Variants in CCDC42 observed in about 807,000 individuals in gnomAD.
CCDC42 encodes the protein coiled-coil domain containing 42.
Under a neutral mutation model 40.8 loss-of-function variants are expected in CCDC42, and 38 were observed. The ratio of observed to expected loss-of-function variants is 0.93; its 90% CI spans 0.72 to 1.22. CCDC42 has a LOEUF of 1.22. Ranked by LOEUF, CCDC42 falls within the 50% of genes most tolerant of loss-of-function variation. CCDC42 has a pLI of 0.00. For missense variants in CCDC42, 379 were observed against 416.5 expected (o/e 0.91, Z 0.78); for synonymous variants, 135 against 157.5 (o/e 0.86, Z 1.07).
At chr17:8,731,762 T>A (rs2086581763) in intron 6 of CCDC42, among the ~76,000 whole-genome samples, 1 of 151,114 alleles carries the variant, frequency 6.6e-6, no homozygotes, top group South Asian at 2.1e-4. Flanking sequence ...GGGTGGAGAG[T>A]GGGAGGAGGG....
intron 4 of CCDC42, among the ~76,000 whole-genome samples, chr17:8,738,965 GTTTGA>G (rs1168761445): frequency 7.2e-5 from 11 of 152,222 alleles, no homozygotes; most frequent in East Asian, 5.8e-4. Flanking sequence ...TATCGGTAGT[GTTTGA>G]TTTAAGACAA....
intron 4 of CCDC42, among the ~76,000 whole-genome samples, chr17:8,737,841 G>C (rs2152143407): frequency 6.6e-6 from 1 of 152,230 alleles, no homozygotes; most frequent in Admixed American, 6.5e-5. Context: ...TAAAAGACAG[G>C]GTCTCACTCT....
At chr17:8,739,619 T>C (rs1272700707) in intron 4 of CCDC42, among the ~76,000 whole-genome samples, 2 of 152,204 alleles carry the variant, frequency 1.3e-5, no homozygotes, top group African/African-American at 4.8e-5. Flanking sequence ...CTCGGCTCAC[T>C]GCAACCTCCG....
At chr17:8,739,508 A>C (rs1163861205) in intron 4 of CCDC42, among the ~76,000 whole-genome samples, 1 of 152,192 alleles carries the variant, frequency 6.6e-6, no homozygotes, top group African/African-American at 2.4e-5. Context: ...ATATTTTCCC[A>C]ACTCTGAATT....
Position 8,735,409 on chromosome 17 carries a change from C to T in CCDC42, c.695G>A (p.Arg232His), listed in dbSNP as rs571535127. 38 of 1,613,932 alleles carry T rather than the reference C, an allele frequency of 2.4e-5. No individual in the cohort carries two copies. Among genetic ancestry groups the T allele is most frequent in the South Asian group, 3.3e-5 (3 of 91,086 alleles). ...CCTCACCCAGAAGATGACATTGCTG[C>T]GGGCACGGTCAAAGCGCATCTGCAG... ...ARLQMRFDRARSNVIFWESRW... is the reference protein window; with the variant it reads ...ARLQMRFDRAHSNVIFWESRW... Residue 232 changes from arginine (R) to histidine (H), a missense_variant, in exon 5 of 7, where the codon CGC becomes CAC. Arg to His is a conservative substitution (Grantham distance 29). Coordinates refer to ENST00000293845, the MANE Select transcript of CCDC42 (RefSeq NM_144681.3). This position sits in a 1 kb window ranked among gnomAD's most constrained non-coding sequence, Gnocchi z 4.7.
chr17:8,741,337 C>CA, intron 4 of CCDC42, 137 bp downstream of exon 4: 1 of 857,062 alleles, frequency 1.2e-6, no homozygotes, highest in Non-Finnish European at 1.9e-6. Flanking sequence ...GCCCATCCTG[C>CA]AGAGCTCCTG....
At position 8,730,206 on chromosome 17, in the gene CCDC42, A is replaced by G; in HGVS notation, c.875T>C (p.Ile292Thr). ...LEDTHKQLDM[I>T]QQFIQDRSDI... ...CGACCGGTCTTGGATAAATTGCTGG[A>G]TCTAGAAAGGCAAGGAGCCCAGCGT... Residue 292 changes from isoleucine to threonine, a missense_variant and splice_region_variant, in exon 7 of 7, where the codon ATC becomes ACC. Ile to Thr is a moderately conservative substitution (Grantham distance 89). Transcript: ENST00000293845. The G allele has an allele frequency of 6.2e-7, 1 of 1,613,298 alleles. No homozygotes were observed. Among genetic ancestry groups the G allele is most frequent in the Non-Finnish European group, 8.5e-7 (1 of 1,179,546 alleles).
rs1568053650 is a variant in CCDC42 at position 8,741,241 on chromosome 17, GAGAAACT to G, written c.492+226_492+232del. Among the ~76,000 whole-genome samples, 2 of 152,184 alleles carry G rather than the reference GAGAAACT, an allele frequency of 1.3e-5. 1 individual carries two copies. The highest frequency in any genetic ancestry group is 4.8e-5 in the African/African-American group (2 of 41,430). On this transcript the variant is annotated intron_variant, in intron 4 of 6. Coordinates refer to ENST00000293845, the MANE Select transcript of CCDC42 (RefSeq NM_144681.3). ...GACACACCACTAGGCCCCACCCCTT[GAGAAACT>G]CATCCAGCCTCACCAGAGGCTTCTT...
intron 4 of CCDC42, among the ~76,000 whole-genome samples, chr17:8,737,086 GAAA>G (rs1466504309): frequency 6.6e-6 from 1 of 151,952 alleles, no homozygotes; most frequent in African/African-American, 2.4e-5. Context: ...GAAAGAAAAA[GAAA>G]AAAAGAAAAG....
At position 8,744,146 on chromosome 17, in the gene CCDC42, G is replaced by A; in HGVS notation, c.122C>T (p.Ser41Phe). ...CTTTTTCTTCTCCAGTAGCCAGATG[G>A]ATGGGGACTCCGACGCCCCCTCAAC... ...PNVEGASESP[S>F]IWLLEKKKET... Residue 41 changes from serine (S) to phenylalanine (F), a missense_variant, in exon 2 of 7, where the codon TCC becomes TTC. Physicochemically the swap from Ser to Phe is radical, Grantham distance 155. Coordinates refer to ENST00000293845, the MANE Select transcript of CCDC42 (RefSeq NM_144681.3). 6.2e-7 allele frequency: 1 copy of A among 1,614,004 alleles called. No individual in the cohort carries two copies. Among genetic ancestry groups the A allele is most frequent in the Non-Finnish European group, 8.5e-7 (1 of 1,179,976 alleles).
In CCDC42 at chr17:8,744,763, G is replaced by T. The variant is rs973169915; in HGVS notation, c.-154C>A. 13 of 640,582 alleles carry T rather than the reference G, an allele frequency of 2.0e-5. No homozygotes were observed. The highest frequency in any genetic ancestry group is 1.6e-4 in the Admixed American group (7 of 42,592). 39.7% of individuals were successfully genotyped at this position (640,582 alleles called of 1,614,324 possible). A position where few individuals can be genotyped will look rare whatever the true frequency, so the allele number is the denominator to read the frequency against. On this transcript the variant is annotated 5_prime_UTR_variant, in exon 1 of 7. Coordinates refer to ENST00000293845, the MANE Select transcript of CCDC42 (RefSeq NM_144681.3). ...TGATGGAGTTTGAGACTCCACAGAA[G>T]GTGGCTGGAGACAGGTTGGGCGGCT... is the stretch of plus-strand genomic sequence containing the variant.
chr17:8,730,200 T>C lies in CCDC42; in HGVS notation c.881A>G (p.Gln294Arg), dbSNP rs776202148. 1 of 1,613,708 alleles carries C rather than the reference T, an allele frequency of 6.2e-7. No individual in the cohort carries two copies. Among genetic ancestry groups the C allele is most frequent in the South Asian group, 1.1e-5 (1 of 91,060 alleles). ...GATGTCCGACCGGTCTTGGATAAAT[T>C]GCTGGATCTAGAAAGGCAAGGAGCC... ...DTHKQLDMIQ[Q>R]FIQDRSDIWA... Residue 294 changes from glutamine to arginine, a missense_variant, in exon 7 of 7, where the codon CAA (glutamine) becomes CGA (arginine). Gln to Arg is a conservative substitution (Grantham distance 43). Coordinates refer to ENST00000293845, the MANE Select transcript of CCDC42 (RefSeq NM_144681.3).
At chr17:8,733,113 A>G (rs969634653) in intron 6 of CCDC42, among the ~76,000 whole-genome samples, 1 of 152,126 alleles carries the variant, frequency 6.6e-6, no homozygotes, top group African/African-American at 2.4e-5. Flanking sequence ...TTCTTATTCT[A>G]GTATAAGAGC....
At chr17:8,744,496 G>T in intron 1 of CCDC42, 31 bp downstream of exon 1, 1 of 1,581,200 alleles carries the variant, frequency 6.3e-7, no homozygotes, top group Non-Finnish European at 8.6e-7. Flanking sequence ...CAGGCACAGA[G>T]GGGTGGGCAA....
At chr17:8,740,196 C>T (rs2086633484) in intron 4 of CCDC42, among the ~76,000 whole-genome samples, 1 of 151,968 alleles carries the variant, frequency 6.6e-6, no homozygotes, top group Non-Finnish European at 1.5e-5. Context: ...AGGCCCTGGA[C>T]ATTGCTAAGA....
chr17:8,743,599 A>C (rs1220510492), intron 3 of CCDC42, 27 bp downstream of exon 3: 1 of 1,356,354 alleles, frequency 7.4e-7, no homozygotes, highest in Non-Finnish European at 1.1e-6. Flanking sequence ...TCCCCTGGCC[A>C]CTGCGGCCGC....
chr17:8,739,377 C>T (rs911041696), intron 4 of CCDC42, among the ~76,000 whole-genome samples: 6 of 152,148 alleles, frequency 3.9e-5, no homozygotes, highest in African/African-American at 1.4e-4. Context: ...GTCGCGCCAG[C>T]GGCAGGGCTG....
At chr17:8,731,444 C>T (rs1471157880) in intron 6 of CCDC42, among the ~76,000 whole-genome samples, 2 of 152,192 alleles carry the variant, frequency 1.3e-5, no homozygotes, top group Non-Finnish European at 2.9e-5. Flanking sequence ...ATCATAAACA[C>T]ACATGCATGG....
At chr17:8,733,354 T>C (rs1024636595) in intron 6 of CCDC42, among the ~76,000 whole-genome samples, 23 of 152,242 alleles carry the variant, frequency 1.5e-4, no homozygotes, top group African/African-American at 5.5e-4. Context: ...TAATAACTTT[T>C]GGGCAATCTG....
Sources: gnomAD v4.1 joint callset for allele counts (sites outside exome capture counted in the v4.1 genomes callset) on GRCh38, gnomAD v4.1.1 for gene constraint, Gnocchi (gnomAD v3.1) non-coding constraint, MANE v1.5 for transcripts, NCBI Gene and HGNC (gene_info 2026-07-23, HGNC 2026-07-21) for gene names.